The following EXO1 variants were observed in gnomAD, a reference collection of about 807,000 sequenced individuals.
EXO1 encodes the protein exonuclease 1.
Under a neutral mutation model 84.5 loss-of-function variants are expected in EXO1, and 69 were observed. The observed-to-expected ratio is 0.82, with a 90% CI of 0.67 to 1.00. EXO1 has a LOEUF of 1.00. EXO1 is among the 50% of genes least tolerant of loss of function. EXO1 has a pLI of 0.00. For missense variants in EXO1, 1,045 were observed against 1,000.7 expected (o/e 1.04, Z -0.60); for synonymous variants, 373 against 366.1 (o/e 1.02, Z -0.21).
intron 13 of EXO1, among the ~76,000 whole-genome samples, chr1:241,879,990 G>A (rs1294078720): frequency 6.8e-6 from 1 of 146,046 alleles, no homozygotes; most frequent in Non-Finnish European, 1.5e-5. Context: ...CTGGGGGACA[G>A]AGCAAGACTG....
intron 10 of EXO1, among the ~76,000 whole-genome samples, chr1:241,865,201 TG>T (rs1240124986): frequency 1.3e-5 from 2 of 148,860 alleles, no homozygotes; most frequent in Non-Finnish European, 3.0e-5. Context: ...ATATATTTTT[TG>T]ACTTGAATAT....
At chr1:241,869,385 G>A (rs1333387183) in intron 11 of EXO1, among the ~76,000 whole-genome samples, 1 of 152,168 alleles carries the variant, frequency 6.6e-6, no homozygotes. Context: ...GGAAACGTGG[G>A]AATTTTTTCA....
Position 241,858,575 on chromosome 1 carries a change from C to T in EXO1, c.613C>T (p.Gln205Ter), listed in dbSNP as rs1441611327. 6.2e-7 allele frequency: 1 copy of T among 1,613,930 alleles called. No individual in the cohort carries two copies. Among genetic ancestry groups the T allele is most frequent in the Non-Finnish European group, 8.5e-7 (1 of 1,179,974 alleles). The stretch of plus-strand genomic sequence containing the variant: ...TCAAGCTCGGCTAGGAATGTGCAGA[C>T]AGCTTGGGGATGTATTCACGGAAGA... ...IDQARLGMCR[Q>*]LGDVFTEEKF... Residue 205 changes from glutamine (Q) to a stop codon, truncating the protein, a stop_gained, in exon 8 of 16, where the codon CAG (glutamine) becomes TAG (stop). Transcript: ENST00000366548. LOFTEE classifies it high-confidence loss of function.
chr1:241,881,989 C>T lies in EXO1; in HGVS notation c.2183C>T (p.Ser728Leu). 1 of 1,556,598 alleles carries T rather than the reference C, an allele frequency of 6.4e-7. No individual in the cohort carries two copies. ...TCCAAGCTACGTTTATCTCATTTCT[C>T]AAAAAAAGACACACCTCTAAGGAAC... Reference protein sequence around the residue: ...QTSKLRLSHFSKKDTPLRNKV... With the variant: ...QTSKLRLSHFLKKDTPLRNKV... Residue 728 changes from serine to leucine, a missense_variant, in exon 14 of 16, where the codon TCA becomes TTA. Ser to Leu is a moderately radical substitution (Grantham distance 145). Transcript: ENST00000366548.
chr1:241,865,512 A>G (rs929003055), intron 10 of EXO1, among the ~76,000 whole-genome samples: 1 of 152,090 alleles, frequency 6.6e-6, no homozygotes, highest in Non-Finnish European at 1.5e-5. Context: ...TGCCTGGCCT[A>G]TAATTTCATT....
chr1:241,864,395 C>T (rs1661589123), intron 10 of EXO1, among the ~76,000 whole-genome samples: 1 of 152,234 alleles, frequency 6.6e-6, no homozygotes, highest in Non-Finnish European at 1.5e-5. Flanking sequence ...AATATTTAGC[C>T]TTTTGTTTCA....
chr1:241,884,515 G>A (rs1365617522), intron 14 of EXO1, among the ~76,000 whole-genome samples: 1 of 152,174 alleles, frequency 6.6e-6, no homozygotes, highest in African/African-American at 2.4e-5. Context: ...TACAATGCAA[G>A]AACAGGCAAC....
intron 14 of EXO1, among the ~76,000 whole-genome samples, chr1:241,883,473 G>A (rs1662882837): frequency 2.6e-5 from 4 of 152,066 alleles, no homozygotes; most frequent in African/African-American, 9.7e-5. Context: ...TCATTCATGA[G>A]GGCTCTACTC....
At chr1:241,878,690 C>G in intron 12 of EXO1, 59 bp from the exon 13 acceptor site, 1 of 1,055,664 alleles carries the variant, frequency 9.5e-7, no homozygotes, top group Middle Eastern at 2.1e-4. Flanking sequence ...CTTGACACCC[C>G]TTGAGAAAAC....
chr1:241,859,892 G>A lies in EXO1; in HGVS notation c.757-625G>A, dbSNP rs957331047. ...AAATTTCATTTTTCTATTTCCAGGA[G>A]TATAAGGCCTGAGTCCTCAGGACTA... On this transcript the variant is annotated intron_variant, in intron 8 of 15. Transcript: ENST00000366548. 3.3e-5 allele frequency among the ~76,000 whole-genome samples: 5 copies of A among 152,186 alleles called. No homozygotes were observed. In the South Asian group the frequency reaches 1.0e-3, roughly 32 times the overall value.
At chr1:241,868,698 A>T (rs1054336732) in intron 11 of EXO1, among the ~76,000 whole-genome samples, 1 of 152,208 alleles carries the variant, frequency 6.6e-6, no homozygotes, top group Non-Finnish European at 1.5e-5. Flanking sequence ...ATTGAGAGTT[A>T]GTTAAATCCA....
At chr1:241,864,609 A>G (rs1661601507) in intron 10 of EXO1, among the ~76,000 whole-genome samples, 1 of 152,160 alleles carries the variant, frequency 6.6e-6, no homozygotes, top group African/African-American at 2.4e-5. Flanking sequence ...CTGTAATTCC[A>G]AGACTTTAAT....
At chr1:241,860,031 G>T (rs941710186) in intron 8 of EXO1, among the ~76,000 whole-genome samples, 1 of 152,174 alleles carries the variant, frequency 6.6e-6, no homozygotes, top group African/African-American at 2.4e-5. Flanking sequence ...GGTTCTCTGG[G>T]CCTTCCCTTT....
At chr1:241,878,505 A>T (rs1662534833) in intron 12 of EXO1, among the ~76,000 whole-genome samples, 1 of 151,856 alleles carries the variant, frequency 6.6e-6, no homozygotes, top group Non-Finnish European at 1.5e-5. Context: ...CAAAAAAAAA[A>T]AAAAGAAGGA....
intron 12 of EXO1, among the ~76,000 whole-genome samples, chr1:241,876,012 A>G (rs1662383205): frequency 1.3e-5 from 2 of 152,056 alleles, no homozygotes; most frequent in South Asian, 4.1e-4. Context: ...CTTCATGTTG[A>G]GCTCTTCTTT....
intron 9 of EXO1, 40 bp from the exon 10 acceptor site, chr1:241,861,366 T>G: frequency 1.0e-6 from 1 of 986,292 alleles, no homozygotes; most frequent in Non-Finnish European, 1.6e-6. Flanking sequence ...ATTTGGTTGG[T>G]TGTTAATAAA....
At chr1:241,867,154 CT>C in intron 11 of EXO1, 99 bp downstream of exon 11, 1 of 890,632 alleles carries the variant, frequency 1.1e-6, no homozygotes, top group Non-Finnish European at 1.8e-6. Flanking sequence ...CTGTTTTCTC[CT>C]AGAAGTTTTA....
At position 241,857,358 on chromosome 1, in the gene EXO1, A is replaced by G. The variant is rs369513542; in HGVS notation, c.419A>G (p.Gln140Arg). The G allele has an allele frequency of 2.7e-5, 44 of 1,613,592 alleles. No homozygotes were observed. Among genetic ancestry groups the G allele is most frequent in the Admixed American group, 1.7e-5 (1 of 59,978 alleles). The change falls in exon 7 of 16, where the codon CAG becomes CGG. Residue 140 changes from glutamine (Q) to arginine (R), a missense_variant. Physicochemically the swap from Gln to Arg is conservative, Grantham distance 43. Transcript: ENST00000366548. ...TCTCTCTTCTAGGCTGCCCGGTCTC[A>G]GGGGGTAGATTGCCTCGTGGCTCCC... ...AHKVIKAARS[Q>R]GVDCLVAPYE...
chr1:241,873,348 T>G (rs1427512340), intron 12 of EXO1, among the ~76,000 whole-genome samples: 1 of 152,232 alleles, frequency 6.6e-6, no homozygotes, highest in Non-Finnish European at 1.5e-5. Flanking sequence ...TGTCTTATCA[T>G]GTATTGTCTT....
Sources: allele counts gnomAD v4.1 joint callset (sites outside exome capture counted in the v4.1 genomes callset), GRCh38; gene constraint gnomAD v4.1.1; transcripts MANE v1.5; gene names NCBI Gene and HGNC (gene_info 2026-07-23, HGNC 2026-07-21).